The following VPS45 variants were observed in gnomAD, a reference collection of about 807,000 sequenced individuals.
VPS45 encodes vacuolar protein sorting 45 homolog.
A neutral mutation model predicts 75.9 loss-of-function variants in VPS45; 35 were observed. The ratio of observed to expected loss-of-function variants is 0.46; its 90% confidence interval spans 0.35 to 0.61. VPS45 has a LOEUF of 0.61. Ranked by LOEUF, VPS45 falls within the 20% of genes least tolerant of loss-of-function variation. The pLI, the probability that VPS45 is intolerant of heterozygous loss-of-function variation, is 0.00. For synonymous variants in VPS45, 220 were observed against 238.2 expected, an observed-to-expected ratio of 0.92 and a Z score of 0.70; for missense variants, 559 against 685.9, an observed-to-expected ratio of 0.81 and a Z score of 2.07.
rs1175834927 is a variant in VPS45, at chr1:150,142,906, G to A, written c.1626-1803G>A. ...GGGCTCAAGCGATCCACCCGCCTCA[G>A]CCTCCCAAAGTGCTGGGATTACAGC... On this transcript the variant is annotated intron_variant, in intron 14 of 14. Transcript: ENST00000644510. The A allele has an allele frequency of 8.9e-6, 4 of 449,448 alleles. No homozygotes were observed. In the Admixed American group the frequency reaches 9.5e-5, roughly 11 times the overall value. The allele number at this position is 449,448 out of a possible 1,614,324, so 27.8% of individuals were successfully genotyped here. A position where few individuals can be genotyped will look rare whatever the true frequency, so the allele number is the denominator to read the frequency against.
At chr1:150,116,350 C>T (rs587700176) in intron 14 of VPS45, among the ~76,000 whole-genome samples, 1 of 152,236 alleles carries the variant, frequency 6.6e-6, no homozygotes, top group East Asian at 1.9e-4. Flanking sequence ...GCTAATAAAG[C>T]AATAATAGTT....
intron 13 of VPS45, among the ~76,000 whole-genome samples, chr1:150,100,060 C>T (rs1656895404): frequency 1.3e-5 from 2 of 152,096 alleles, no homozygotes; most frequent in South Asian, 2.1e-4. Flanking sequence ...TGTTTTTAGA[C>T]GACATGATTC....
chr1:150,116,350 CAAT>C (rs1553808297), intron 14 of VPS45, among the ~76,000 whole-genome samples: 1 of 152,120 alleles, frequency 6.6e-6, no homozygotes, highest in African/African-American at 2.4e-5. Flanking sequence ...GCTAATAAAG[CAAT>C]AATAGTTCAT....
intron 14 of VPS45, among the ~76,000 whole-genome samples, chr1:150,119,240 A>C (rs1553809084): frequency 6.6e-6 from 1 of 152,168 alleles, no homozygotes; most frequent in Non-Finnish European, 1.5e-5. Context: ...CTCTTAATAC[A>C]TATTGGAATC....
chr1:150,099,103 A>G (rs1656825451), intron 13 of VPS45: 1 of 1,013,798 alleles, frequency 9.9e-7, no homozygotes, highest in Admixed American at 5.6e-5. Context: ...AGAAATTACA[A>G]TTTTAGCCAT....
chr1:150,091,730 T>TA, intron 10 of VPS45, among the ~76,000 whole-genome samples: 1 of 152,210 alleles, frequency 6.6e-6, no homozygotes, highest in East Asian at 1.9e-4. Context: ...CTAAAGCAAT[T>TA]ACAATGGAAA....
At chr1:150,072,389 G>A (rs999754811) in intron 3 of VPS45, among the ~76,000 whole-genome samples, 163 bp downstream of exon 3, 2 of 152,058 alleles carry the variant, frequency 1.3e-5, no homozygotes, top group South Asian at 2.1e-4. Context: ...CCTGCCGGGC[G>A]CGGTGGCTCA....
chr1:150,088,587 C>T (rs1656153468), intron 10 of VPS45, among the ~76,000 whole-genome samples: 1 of 148,404 alleles, frequency 6.7e-6, no homozygotes, highest in African/African-American at 2.5e-5. Flanking sequence ...TCAAGCTACT[C>T]TCCCACCTCA....
intron 13 of VPS45, chr1:150,098,925 C>G (rs2101582257): frequency 8.2e-7 from 1 of 1,225,650 alleles, no homozygotes; most frequent in African/African-American, 1.6e-5. Flanking sequence ...ATCATGCATT[C>G]CAGAATCAGT....
In VPS45 at chr1:150,108,238, G is replaced by T. The variant is rs143175837; in HGVS notation, c.1494-2258G>T. ...TCTGGAGTTTAGAAGAAAGGTCTGG[G>T]CTGGAGATGGAGATTTGGGAACCAT... On this transcript the variant is annotated intron_variant, in intron 13 of 14. Transcript: ENST00000644510. Among the ~76,000 whole-genome samples the T allele has an allele frequency of 2.1e-3, 323 of 152,288 alleles. 1 individual carries two copies. The highest frequency in any genetic ancestry group is 0.014 in the Middle Eastern group (4 of 294).
chr1:150,099,800 T>C lies in VPS45; in HGVS notation c.1493+6152T>C, dbSNP rs1656871674. On this transcript the variant is annotated intron_variant, in intron 13 of 14. Transcript: ENST00000644510. ...GTGAGCCAAAATCAAGCCACTGCTC[T>C]CCAGCCTGGGGGACAGAGCGAGACT... is the stretch of plus-strand genomic sequence containing the variant. Among the ~76,000 whole-genome samples the C allele has an allele frequency of 2.4e-5, 3 of 127,038 alleles. No homozygotes were observed. The Admixed American group carries it at 3.0e-4, about 13-fold the overall frequency. The allele number at this position is 127,038 out of a possible 152,430, so 83.3% of individuals were successfully genotyped here. A position where few individuals can be genotyped will look rare whatever the true frequency, so the allele number is the denominator to read the frequency against.
Position 150,110,581 on chromosome 1 carries a change from G to T in VPS45, c.1579G>T (p.Gly527Ter). ...TVYNLNRTTP[G>*]VRIVLGGTTV... ...TTATAACCTGAACCGCACCACTCCTGGAGTGAGGATTGTCCTGGGAGGCAC... is the reference window on the plus strand; with the variant it reads ...TTATAACCTGAACCGCACCACTCCTTGAGTGAGGATTGTCCTGGGAGGCAC... Residue 527 changes from glycine to a stop codon, truncating the protein, a stop_gained, in exon 14 of 15, where the codon GGA (glycine) becomes TGA (stop). Coordinates refer to ENST00000644510, the MANE Select transcript of VPS45 (RefSeq NM_007259.5). LOFTEE classifies it high-confidence loss of function. The T allele has an allele frequency of 6.2e-7, 1 of 1,613,632 alleles. No individual in the cohort carries two copies. Among genetic ancestry groups the T allele is most frequent in the Non-Finnish European group, 8.5e-7 (1 of 1,179,756 alleles).
intron 13 of VPS45, among the ~76,000 whole-genome samples, chr1:150,105,195 A>G (rs1559924429): frequency 6.6e-6 from 1 of 152,124 alleles, no homozygotes; most frequent in Non-Finnish European, 1.5e-5. Context: ...AGTTGGAAGC[A>G]TTTCCCCTAA....
chr1:150,077,558 A>T (rs781794836), intron 6 of VPS45, 111 bp from the exon 7 acceptor site: 6 of 782,800 alleles, frequency 7.7e-6, no homozygotes, highest in African/African-American at 1.7e-5. Flanking sequence ...TGGAAGATCT[A>T]TGTGGGTGCA....
At chr1:150,130,120 C>A (rs1427786280) in intron 14 of VPS45, among the ~76,000 whole-genome samples, 14 of 151,662 alleles carry the variant, frequency 9.2e-5, no homozygotes, top group Non-Finnish European at 2.1e-4. Context: ...CAGCCTCGGT[C>A]TCCCAAAGTG....
At chr1:150,124,465 A>C (rs1553810268) in intron 14 of VPS45, among the ~76,000 whole-genome samples, 1 of 151,508 alleles carries the variant, frequency 6.6e-6, no homozygotes, top group East Asian at 1.9e-4. Context: ...TCTTGGAAAA[A>C]AAAAATGAAT....
intron 14 of VPS45, among the ~76,000 whole-genome samples, chr1:150,119,389 G>T (rs1553809099): frequency 1.3e-5 from 2 of 152,094 alleles, no homozygotes; most frequent in Non-Finnish European, 2.9e-5. Context: ...AATTATTAGG[G>T]TTTAATTTTG....
At chr1:150,129,441 TG>T (rs1317448159) in intron 14 of VPS45, among the ~76,000 whole-genome samples, 2 of 152,132 alleles carry the variant, frequency 1.3e-5, no homozygotes, top group African/African-American at 4.8e-5. Context: ...ATATAATTCC[TG>T]TAGGAAAAAA....
At chr1:150,138,531 G>C (rs1659230221) in intron 14 of VPS45, among the ~76,000 whole-genome samples, 1 of 152,162 alleles carries the variant, frequency 6.6e-6, no homozygotes, top group Admixed American at 6.5e-5. Flanking sequence ...TTTGGAGGCA[G>C]ATAATCTGTT....
Sources: gnomAD v4.1 joint callset for allele counts (sites outside exome capture counted in the v4.1 genomes callset) on GRCh38, gnomAD v4.1.1 for gene constraint, MANE v1.5 for transcripts, NCBI Gene and HGNC (gene_info 2026-07-23, HGNC 2026-07-21) for gene names.